KNTC1: variants seen among roughly 807,000 people sequenced by gnomAD.
KNTC1 encodes the protein kinetochore associated 1, also known as kinetochore-associated protein 1.
A neutral mutation model predicts 314.4 loss-of-function variants in KNTC1; 253 were observed. The ratio of observed to expected loss-of-function variants is 0.80; its 90% CI spans 0.73 to 0.89. KNTC1 has a LOEUF of 0.89. Ranked by LOEUF, KNTC1 falls within the 40% of genes least tolerant of loss-of-function variation. The probability of loss-of-function intolerance (pLI) is 0.00; values close to 1 mark genes in which losing one functional copy is unlikely to be tolerated. For missense variants in KNTC1, 2,475 were observed against 2,572.9 expected (o/e 0.96, Z 0.82); for synonymous variants, 901 against 901.4 (o/e 1.00, Z 0.01).
intron 3 of KNTC1, among the ~76,000 whole-genome samples, chr12:122,537,950 T>G (rs1239420249): frequency 2.0e-5 from 3 of 150,854 alleles, no homozygotes; most frequent in Non-Finnish European, 4.4e-5. Context: ...CTGGGTAACA[T>G]GGCAAAACCT....
chr12:122,570,794 GGAAAA>G, intron 22 of KNTC1, 77 bp from the exon 23 acceptor site: 2 of 950,332 alleles, frequency 2.1e-6, no homozygotes, highest in Non-Finnish European at 3.2e-6. Flanking sequence ...AATATTTAAA[GGAAAA>G]AAAAGAAATC....
Position 122,596,079 on chromosome 12 carries a change from C to CTTT in KNTC1, c.4356-1633_4356-1631dup, listed in dbSNP as rs1200717202. ...TCATTTTGTCTATAGTAACCAGATT[C>CTTT]TTTTTTTTTTTTTTTTTTTTTGAGA... On this transcript the variant is annotated intron_variant, in intron 43 of 63. Coordinates refer to ENST00000333479, the MANE Select transcript of KNTC1 (RefSeq NM_014708.6). Among the ~76,000 whole-genome samples the CTTT allele has an allele frequency of 8.5e-3, 943 of 111,348 alleles. 27 individuals are homozygous for CTTT. Among genetic ancestry groups the CTTT allele is most frequent in the African/African-American group, 0.019 (549 of 28,944 alleles). 73.0% of individuals were successfully genotyped at this position (111,348 alleles called of 152,430 possible). A position where few individuals can be genotyped will look rare whatever the true frequency, so the allele number is the denominator to read the frequency against.
intron 44 of KNTC1, 115 bp from the exon 45 acceptor site, chr12:122,601,421 C>T: frequency 1.1e-6 from 1 of 922,260 alleles, no homozygotes. Flanking sequence ...ATTAATTTAA[C>T]AATGTAGTGC....
chr12:122,541,849 T>C (rs1962364632), intron 5 of KNTC1, among the ~76,000 whole-genome samples: 1 of 151,500 alleles, frequency 6.6e-6, no homozygotes, highest in African/African-American at 2.4e-5. Context: ...TGAAACCCTG[T>C]CTCTACTAAA....
chr12:122,549,756 T>C lies in KNTC1; in HGVS notation c.988-10T>C. The C allele has an allele frequency of 1.5e-6, 2 of 1,317,416 alleles. No individual in the cohort carries two copies. The highest frequency in any genetic ancestry group is 1.1e-6 in the Non-Finnish European group (1 of 930,298). 81.6% of individuals were successfully genotyped at this position (1,317,416 alleles called of 1,614,324 possible). A position where few individuals can be genotyped will look rare whatever the true frequency, so the allele number is the denominator to read the frequency against. ...ATCTGCTAAATTAATTGCTCTGCTA[T>C]TTTTCTTAGATGAAAAACCTCATGG... is the stretch of plus-strand genomic sequence containing the variant. On this transcript the variant is annotated splice_polypyrimidine_tract_variant and intron_variant, in intron 12 of 63. Transcript: ENST00000333479.
intron 62 of KNTC1, 80 bp from the exon 63 acceptor site, chr12:122,624,518 T>C: frequency 1.1e-6 from 1 of 937,204 alleles, no homozygotes; most frequent in Non-Finnish European, 1.6e-6. Context: ...TCTGTACATC[T>C]TGGCCTCCCT....
chr12:122,622,460 A>G lies in KNTC1; in HGVS notation c.6370-2A>G. Reference sequence around the variant, plus strand: ...ATCTTAATGATACCTGTCATTCTATAGATTAGAAGTCTGATTTTGAATAAT... The same window carrying G: ...ATCTTAATGATACCTGTCATTCTATGGATTAGAAGTCTGATTTTGAATAAT... On this transcript the variant is annotated splice_acceptor_variant, in intron 61 of 63. Transcript: ENST00000333479. LOFTEE classifies it high-confidence loss of function. The G allele has an allele frequency of 6.4e-7, 1 of 1,566,016 alleles. No individual in the cohort carries two copies.
At position 122,546,695 on chromosome 12, in the gene KNTC1, T is replaced by G. The variant is rs573311096; in HGVS notation, c.816+21T>G. On this transcript the variant is annotated intron_variant, in intron 10 of 63. Transcript: ENST00000333479. ...CTGATGTATGTTTCTTGTTTCTCCT[T>G]CAATGTTTTTACTTGATATGTTTTA... 7 of 1,477,326 alleles carry G rather than the reference T, an allele frequency of 4.7e-6. No individual in the cohort carries two copies. In the South Asian group the frequency reaches 8.5e-5, roughly 18 times the overall value. 91.5% of individuals were successfully genotyped at this position (1,477,326 alleles called of 1,614,324 possible).
chr12:122,617,580 T>G, intron 57 of KNTC1: 1 of 206,154 alleles, frequency 4.9e-6, no homozygotes, highest in South Asian at 6.7e-5. Flanking sequence ...CTTCCTTCTT[T>G]CCTGTGGCCC....
At chr12:122,550,559 G>A (rs1025771977) in intron 13 of KNTC1, among the ~76,000 whole-genome samples, 2 of 152,012 alleles carry the variant, frequency 1.3e-5, no homozygotes, top group Non-Finnish European at 2.9e-5. Flanking sequence ...TTGTAGTACC[G>A]TCGCTCAATC....
At chr12:122,612,442 A>C (rs1349449458) in intron 53 of KNTC1, among the ~76,000 whole-genome samples, 1 of 137,074 alleles carries the variant, frequency 7.3e-6, no homozygotes, top group Non-Finnish European at 1.5e-5. Flanking sequence ...TTTGAGAGAG[A>C]GTCTCACTCT....
intron 3 of KNTC1, among the ~76,000 whole-genome samples, chr12:122,535,940 C>G (rs181618606): frequency 1.4e-5 from 2 of 146,464 alleles, no homozygotes; most frequent in Admixed American, 1.4e-4. Flanking sequence ...GTCACCCAGG[C>G]TGTAGTGCAG....
intron 9 of KNTC1, 137 bp from the exon 10 acceptor site, chr12:122,546,485 G>A: frequency 1.5e-6 from 1 of 675,244 alleles, no homozygotes; most frequent in East Asian, 2.7e-5. Context: ...TCACCTAACA[G>A]AAATAGAGGC....
intron 51 of KNTC1, among the ~76,000 whole-genome samples, chr12:122,606,276 G>A (rs1009777123): frequency 1.5e-5 from 2 of 136,494 alleles, no homozygotes; most frequent in South Asian, 4.6e-4. Context: ...CATCCAGTCT[G>A]GAGTGCAGTG....
Position 122,601,645 on chromosome 12 carries a change from G to A in KNTC1, c.4653+20G>A, listed in dbSNP as rs1214700137. ...AATCAGGTATAACAAATATATCAAA[G>A]ATGTAAAAATCATCTTTCTGCTTTT... On this transcript the variant is annotated intron_variant, in intron 45 of 63. Coordinates refer to ENST00000333479, the MANE Select transcript of KNTC1 (RefSeq NM_014708.6). 2.1e-6 allele frequency: 3 copies of A among 1,458,714 alleles called. No homozygotes were observed. In the South Asian group the frequency reaches 4.4e-5, roughly 21 times the overall value. 90.4% of individuals were successfully genotyped at this position (1,458,714 alleles called of 1,614,324 possible).
intron 48 of KNTC1, 76 bp from the exon 49 acceptor site, chr12:122,604,488 G>T: frequency 1.1e-6 from 1 of 870,348 alleles, no homozygotes; most frequent in South Asian, 1.8e-5. Context: ...TTGCTAATTT[G>T]ACCAAAATAC....
At chr12:122,558,377 T>C (rs1038488556) in intron 18 of KNTC1, among the ~76,000 whole-genome samples, 1 of 151,476 alleles carries the variant, frequency 6.6e-6, no homozygotes, top group Non-Finnish European at 1.5e-5. Context: ...TGAGACCTCA[T>C]GTTGTCTCTA....
chr12:122,602,737 C>A lies in KNTC1; in HGVS notation c.4822C>A (p.Leu1608Ile), dbSNP rs755131976. ...CACAGCACAGAACTTCTGGAAAATTCTCTGTATGTGTTCATTAACTTTTTA... is the reference window on the plus strand; with the variant it reads ...CACAGCACAGAACTTCTGGAAAATTATCTGTATGTGTTCATTAACTTTTTA... ...FGTAQNFWKI[L>I]STELSEESFP... Residue 1608 changes from leucine (L) to isoleucine (I), a missense_variant, in exon 46 of 64, where the codon CTC becomes ATC. Transcript: ENST00000333479. The A allele has an allele frequency of 3.1e-6, 5 of 1,613,402 alleles. No individual in the cohort carries two copies. The highest frequency in any genetic ancestry group is 2.5e-6 in the Non-Finnish European group (3 of 1,179,716).
Position 122,575,832 on chromosome 12 carries a change from T to A in KNTC1, c.2519T>A (p.Met840Lys). The change falls in exon 29 of 64, where the codon ATG becomes AAG. Residue 840 changes from methionine to lysine, a missense_variant. Transcript: ENST00000333479. ...VKLLQESYKL[M>K]EMKKLLRGYG... ...TTATTACAGGAAAGTTACAAACTAA[T>A]GGAGATGAAAAAACTTTTACGAGGC... 1 of 1,613,214 alleles carries A rather than the reference T, an allele frequency of 6.2e-7. No homozygotes were observed. Among genetic ancestry groups the A allele is most frequent in the Non-Finnish European group, 8.5e-7 (1 of 1,179,666 alleles).
Sources: allele counts gnomAD v4.1 joint callset (sites outside exome capture counted in the v4.1 genomes callset), GRCh38; gene constraint gnomAD v4.1.1; transcripts MANE v1.5; gene names NCBI Gene and HGNC (gene_info 2026-07-23, HGNC 2026-07-21).